The following PTK2B variants were observed in gnomAD, a reference collection of about 807,000 sequenced individuals.
The protein encoded by PTK2B is protein-tyrosine kinase 2-beta.
Under a neutral mutation model 142.9 loss-of-function variants are expected in PTK2B, and 71 were observed. That is an observed-to-expected ratio of 0.50 (90% CI 0.41 to 0.61). The LOEUF is 0.61. PTK2B is among the 20% of genes least tolerant of loss of function. The pLI, the probability that PTK2B is intolerant of heterozygous loss-of-function variation, is 0.00. For synonymous variants in PTK2B, 519 were observed against 503.4 expected (o/e 1.03, Z -0.42); for missense variants, 1,105 against 1,320.4 (o/e 0.84, Z 2.53).
At chr8:27,447,308 A>G (rs531198666) in intron 24 of PTK2B, among the ~76,000 whole-genome samples, 1 of 152,392 alleles carries the variant, frequency 6.6e-6, no homozygotes, top group South Asian at 2.1e-4. Context: ...AGTTAAAAAT[A>G]TAAGCTCCAT....
chr8:27,403,874 CTTCT>C (rs1443179965), intron 2 of PTK2B, among the ~76,000 whole-genome samples: 1 of 150,602 alleles, frequency 6.6e-6, no homozygotes, highest in Non-Finnish European at 1.5e-5. Flanking sequence ...TTCTTTCTCC[CTTCT>C]TTCTTCCTTT....
intron 5 of PTK2B, among the ~76,000 whole-genome samples, chr8:27,424,301 C>G: frequency 6.6e-6 from 1 of 152,178 alleles, no homozygotes; most frequent in South Asian, 2.1e-4. Flanking sequence ...CAAACTATTA[C>G]TGGTGGTGGC....
At position 27,458,911 on chromosome 8, in the gene PTK2B, A is replaced by G. The variant is rs1446632164; in HGVS notation, c.*402A>G. 1 of 341,412 alleles carries G rather than the reference A, an allele frequency of 2.9e-6. No homozygotes were observed. The highest frequency in any genetic ancestry group is 4.2e-5 in the South Asian group (1 of 23,782). The allele number at this position is 341,412 out of a possible 1,614,324, so 21.1% of individuals were successfully genotyped here. ...CTTTCCCTTCCTCTTCGGCCCTCAGATGTCCCTTGATGCACAGAGAAGCTG... is the reference window on the plus strand; with the variant it reads ...CTTTCCCTTCCTCTTCGGCCCTCAGGTGTCCCTTGATGCACAGAGAAGCTG... On this transcript the variant is annotated 3_prime_UTR_variant, in exon 31 of 31. Transcript: ENST00000346049.
At chr8:27,390,293 A>G (rs1807635168) in intron 1 of PTK2B, among the ~76,000 whole-genome samples, 1 of 152,168 alleles carries the variant, frequency 6.6e-6, no homozygotes, top group Non-Finnish European at 1.5e-5. Flanking sequence ...AGGGGCTGCC[A>G]CAGCCACCTG....
intron 1 of PTK2B, among the ~76,000 whole-genome samples, chr8:27,395,417 A>G (rs1386400976): frequency 1.3e-5 from 2 of 152,144 alleles, no homozygotes; most frequent in African/African-American, 2.4e-5. Flanking sequence ...CTGTGTGAGT[A>G]TATTTGCCTG....
chr8:27,338,371 A>G (rs911681831), intron 1 of PTK2B, among the ~76,000 whole-genome samples: 21 of 149,902 alleles, frequency 1.4e-4, no homozygotes, highest in Admixed American at 1.2e-3. Context: ...GAATTATACA[A>G]TGGACTTTGG....
intron 1 of PTK2B, among the ~76,000 whole-genome samples, chr8:27,335,170 C>T (rs1803983641): frequency 1.3e-5 from 2 of 152,238 alleles, no homozygotes; most frequent in African/African-American, 2.4e-5. Flanking sequence ...GGCTGCTGGA[C>T]TCTGAGCTTT....
At chr8:27,448,635 G>C (rs1196217102) in intron 24 of PTK2B, among the ~76,000 whole-genome samples, 1 of 152,214 alleles carries the variant, frequency 6.6e-6, no homozygotes, top group Admixed American at 6.5e-5. Flanking sequence ...GAATTTTCTT[G>C]ATTCTAGTAG....
At chr8:27,457,242 C>T (rs1180171314) in intron 30 of PTK2B, among the ~76,000 whole-genome samples, 9 of 152,214 alleles carry the variant, frequency 5.9e-5, no homozygotes, top group African/African-American at 1.9e-4. Flanking sequence ...CCAGTTGAAG[C>T]CAGTGCTGAT....
At chr8:27,407,027 C>A (rs142087874) in intron 2 of PTK2B, among the ~76,000 whole-genome samples, 2 of 152,264 alleles carry the variant, frequency 1.3e-5, no homozygotes, top group East Asian at 3.9e-4. Context: ...TCAATCTCAG[C>A]GTGGCATCAA....
intron 3 of PTK2B, 110 bp from the exon 4 acceptor site, chr8:27,420,547 G>C (rs567021621): frequency 9.8e-7 from 1 of 1,021,824 alleles, no homozygotes; most frequent in Non-Finnish European, 1.5e-6. Context: ...CTCATGGGCA[G>C]CCCTTCCCTT....
At chr8:27,334,791 C>T (rs1255245433) in intron 1 of PTK2B, among the ~76,000 whole-genome samples, 3 of 152,162 alleles carry the variant, frequency 2.0e-5, no homozygotes, top group African/African-American at 7.2e-5. Context: ...GGGGCCACAT[C>T]CCGAGTCTCT....
intron 2 of PTK2B, among the ~76,000 whole-genome samples, chr8:27,409,883 G>T (rs1286555218): frequency 2.0e-5 from 3 of 152,094 alleles, no homozygotes; most frequent in Non-Finnish European, 2.9e-5. Flanking sequence ...CACCATGCCA[G>T]GCTAATTTTT....
chr8:27,314,156 C>A (rs1020670517), intron 3 of PTK2B, among the ~76,000 whole-genome samples: 1 of 152,208 alleles, frequency 6.6e-6, no homozygotes, highest in South Asian at 2.1e-4. Flanking sequence ...TAGCTCATAC[C>A]CTTTTGTTCA....
chr8:27,439,264 T>TCTGA, intron 19 of PTK2B, 45 bp from the exon 20 acceptor site: 1 of 1,570,034 alleles, frequency 6.4e-7, no homozygotes, highest in Non-Finnish European at 8.8e-7. Flanking sequence ...TCTGGATAAT[T>TCTGA]CTGATCTTTC....
chr8:27,430,830 C>A, intron 7 of PTK2B, 46 bp from the exon 8 acceptor site: 2 of 1,600,100 alleles, frequency 1.2e-6, no homozygotes. Flanking sequence ...AGGAGTGAGA[C>A]CTGGGAGGAG....
chr8:27,443,317 G>C (rs2132291789), intron 22 of PTK2B, among the ~76,000 whole-genome samples: 2 of 152,340 alleles, frequency 1.3e-5, no homozygotes, highest in Admixed American at 1.3e-4. Flanking sequence ...TTTAGGTCCA[G>C]TCCCTACATC....
intron 1 of PTK2B, among the ~76,000 whole-genome samples, chr8:27,369,420 AG>A (rs1209502339): frequency 3.9e-5 from 6 of 152,252 alleles, no homozygotes; most frequent in Admixed American, 2.0e-4. Flanking sequence ...CTATAATTCC[AG>A]CACTTTGGGA....
chr8:27,420,627 G>A (rs1227614127), intron 3 of PTK2B, 30 bp from the exon 4 acceptor site: 1 of 1,596,854 alleles, frequency 6.3e-7, no homozygotes, highest in East Asian at 2.2e-5. Context: ...GCTTCTCTGT[G>A]TCAACCAGAG....
Sources: gnomAD v4.1 joint callset for allele counts (sites outside exome capture counted in the v4.1 genomes callset) on GRCh38, gnomAD v4.1.1 for gene constraint, MANE v1.5 for transcripts, NCBI Gene and HGNC (gene_info 2026-07-23, HGNC 2026-07-21) for gene names.